The following GALNTL6 variants were observed in gnomAD, a reference collection of about 807,000 sequenced individuals.
GALNTL6 encodes the protein polypeptide N-acetylgalactosaminyltransferase-like 6.
In GALNTL6, 46 loss-of-function variants were observed where a neutral mutation model predicts 73.7. That is an observed-to-expected ratio of 0.62 (90% CI 0.49 to 0.80). The LOEUF (loss-of-function observed/expected upper bound fraction) is 0.80. GALNTL6 is among the 30% of genes least tolerant of loss of function. The pLI is 0.00. For synonymous variants in GALNTL6, 259 were observed against 263.7 expected, an observed-to-expected ratio of 0.98 and a Z score of 0.17; for missense variants, 604 against 755.0, an observed-to-expected ratio of 0.80 and a Z score of 2.34.
chr4:172,180,138 CT>C (rs1158579382), intron 2 of GALNTL6, among the ~76,000 whole-genome samples: 3 of 152,202 alleles, frequency 2.0e-5, no homozygotes, highest in African/African-American at 7.2e-5. Context: ...GATTGCCATT[CT>C]AACTGGCGTG....
chr4:172,295,540 T>G (rs1270963572), intron 3 of GALNTL6, among the ~76,000 whole-genome samples: 1 of 144,130 alleles, frequency 6.9e-6, no homozygotes, highest in Non-Finnish European at 1.5e-5. Context: ...GGTTTTTTTT[T>G]TTTTTTTTTT....
intron 5 of GALNTL6, among the ~76,000 whole-genome samples, chr4:172,720,507 C>T (rs996779056): frequency 6.6e-6 from 1 of 152,098 alleles, no homozygotes; most frequent in Non-Finnish European, 1.5e-5. Context: ...TCAGTTTTAC[C>T]CAGCTCCTAT....
intron 5 of GALNTL6, among the ~76,000 whole-genome samples, chr4:172,520,910 G>A (rs946024252): frequency 6.6e-6 from 1 of 151,946 alleles, no homozygotes; most frequent in Non-Finnish European, 1.5e-5. Context: ...CAGCAAAGTT[G>A]CAACTTTCAA....
At chr4:172,610,956 G>T (rs1738505373) in intron 5 of GALNTL6, among the ~76,000 whole-genome samples, 1 of 151,788 alleles carries the variant, frequency 6.6e-6, no homozygotes, top group African/African-American at 2.4e-5. Flanking sequence ...TGTCTTTTTG[G>T]ATCATTGTTC....
At chr4:172,391,831 G>A (rs957936358) in intron 5 of GALNTL6, among the ~76,000 whole-genome samples, 7 of 152,140 alleles carry the variant, frequency 4.6e-5, no homozygotes, top group African/African-American at 1.7e-4. Context: ...TAGACAGAGG[G>A]ATATGTAATG....
intron 2 of GALNTL6, among the ~76,000 whole-genome samples, chr4:172,179,464 G>T (rs1560956487): frequency 7.4e-6 from 1 of 134,628 alleles, no homozygotes; most frequent in Non-Finnish European, 1.5e-5. Context: ...CTTTTGAGAA[G>T]TGTCTGTTCA....
chr4:172,319,312 A>G (rs1740677565), intron 4 of GALNTL6, among the ~76,000 whole-genome samples: 2 of 152,340 alleles, frequency 1.3e-5, no homozygotes, highest in South Asian at 2.1e-4. Context: ...TCTAATGCTC[A>G]TTCAAATTAA....
intron 2 of GALNTL6, among the ~76,000 whole-genome samples, chr4:172,222,544 T>TA (rs562570408): frequency 1.0e-3 from 152 of 148,448 alleles, no homozygotes; most frequent in Admixed American, 3.2e-3. Flanking sequence ...CAGTTTTTTT[T>TA]ATCCTCAAAA....
At chr4:172,088,072 T>G (rs1277139530) in intron 2 of GALNTL6, among the ~76,000 whole-genome samples, 1 of 152,138 alleles carries the variant, frequency 6.6e-6, no homozygotes, top group Non-Finnish European at 1.5e-5. Context: ...AAAGAGATAT[T>G]GAATCCTACC....
At chr4:171,826,585 C>T (rs1310489847) in intron 2 of GALNTL6, among the ~76,000 whole-genome samples, 1 of 152,134 alleles carries the variant, frequency 6.6e-6, no homozygotes, top group Non-Finnish European at 1.5e-5. Context: ...GAATCTGACT[C>T]CTGCTAATCT....
At chr4:172,403,762 T>A (rs567825559) in intron 5 of GALNTL6, among the ~76,000 whole-genome samples, 1 of 152,156 alleles carries the variant, frequency 6.6e-6, no homozygotes, top group Non-Finnish European at 1.5e-5. Flanking sequence ...GATCTTTGAC[T>A]GGAAGTATTA....
chr4:172,434,304 T>TA (rs1400740786), intron 5 of GALNTL6, among the ~76,000 whole-genome samples: 1 of 152,124 alleles, frequency 6.6e-6, no homozygotes, highest in Admixed American at 6.6e-5. Context: ...CAAAAACTGA[T>TA]ATAGTCACCT....
chr4:172,627,845 T>C (rs1739227281), intron 5 of GALNTL6, among the ~76,000 whole-genome samples: 1 of 152,076 alleles, frequency 6.6e-6, no homozygotes, highest in South Asian at 2.1e-4. Context: ...AGATTGGTTA[T>C]AATGTTATCT....
At chr4:171,874,015 C>A (rs929664042) in intron 2 of GALNTL6, among the ~76,000 whole-genome samples, 1 of 152,160 alleles carries the variant, frequency 6.6e-6, no homozygotes, top group Non-Finnish European at 1.5e-5. Flanking sequence ...TGAATGCCGG[C>A]AGAATTCTCT....
Position 171,845,594 on chromosome 4 carries a change from A to G in GALNTL6, c.138+30876A>G, listed in dbSNP as rs147185266. On this transcript the variant is annotated intron_variant, in intron 2 of 12. Transcript: ENST00000506823. ...TCATATATCTCATTCTCAGCTAACAATTTAGAAAGTAGATGTGCTCTCTAC... is the reference window on the plus strand; with the variant it reads ...TCATATATCTCATTCTCAGCTAACAGTTTAGAAAGTAGATGTGCTCTCTAC... 7.9e-5 allele frequency among the ~76,000 whole-genome samples: 12 copies of G among 152,236 alleles called. No homozygotes were observed. The East Asian group carries it at 2.1e-3, about 27-fold the overall frequency.
chr4:172,106,869 TTTTG>T lies in GALNTL6; in HGVS notation c.139-122771_139-122768del, dbSNP rs200574984. 7.9e-3 allele frequency among the ~76,000 whole-genome samples: 1,204 copies of T among 152,148 alleles called. 17 individuals carry two copies. The highest frequency in any genetic ancestry group is 0.024 in the African/African-American group (993 of 41,502). On this transcript the variant is annotated intron_variant, in intron 2 of 12. Coordinates refer to ENST00000506823, the MANE Select transcript of GALNTL6 (RefSeq NM_001034845.3). ...TTAAATATCACTAGTCATTTTGTGT[TTTTG>T]TTTGTTTGTTTGTTTTTGAGATGGA...
At chr4:172,330,870 GTT>G (rs1741100918) in intron 4 of GALNTL6, among the ~76,000 whole-genome samples, 2 of 152,036 alleles carry the variant, frequency 1.3e-5, no homozygotes, top group Non-Finnish European at 1.5e-5. Flanking sequence ...TGTTCAGACT[GTT>G]TCTTTTTTGT....
At chr4:172,112,752 T>C (rs151199334) in intron 2 of GALNTL6, among the ~76,000 whole-genome samples, 1 of 151,966 alleles carries the variant, frequency 6.6e-6, no homozygotes, top group African/African-American at 2.4e-5. Context: ...CTTTAAGACA[T>C]GATTAAATTC....
intron 5 of GALNTL6, among the ~76,000 whole-genome samples, chr4:172,608,654 GT>G (rs1053934447): frequency 1.1e-4 from 16 of 152,078 alleles, no homozygotes; most frequent in Non-Finnish European, 1.9e-4. Context: ...TTTTGGAATA[GT>G]TTTTTTCTAA....
Sources: allele counts gnomAD v4.1 joint callset (sites outside exome capture counted in the v4.1 genomes callset), GRCh38; gene constraint gnomAD v4.1.1; transcripts MANE v1.5; gene names NCBI Gene and HGNC (gene_info 2026-07-23, HGNC 2026-07-21).